Variants in KCNH8 observed in about 807,000 individuals in gnomAD.
KCNH8 encodes potassium voltage-gated channel subfamily H member 8.
A neutral mutation model predicts 103.6 loss-of-function variants in KCNH8; 70 were observed. The observed-to-expected ratio is 0.68, with a 90% confidence interval of 0.56 to 0.82. The LOEUF is 0.82. Ranked by LOEUF, KCNH8 falls within the 40% of genes least tolerant of loss-of-function variation. The probability of loss-of-function intolerance (pLI) is 0.00; values close to 1 mark genes in which losing one functional copy is unlikely to be tolerated. For missense variants in KCNH8, 1,217 were observed against 1,329.9 expected (o/e 0.92, Z 1.32); for synonymous variants, 498 against 489.4 (o/e 1.02, Z -0.23).
chr3:19,186,153 A>T (rs751504485), intron 1 of KCNH8, among the ~76,000 whole-genome samples: 1 of 151,994 alleles, frequency 6.6e-6, no homozygotes, highest in Non-Finnish European at 1.5e-5. Context: ...AATCAGCATT[A>T]AAACCTTCTG....
chr3:19,228,051 C>T (rs955364591), intron 1 of KCNH8, among the ~76,000 whole-genome samples: 2 of 152,096 alleles, frequency 1.3e-5, no homozygotes, highest in African/African-American at 4.8e-5. Context: ...TGTTCAGGAT[C>T]GCATGACCAC....
At chr3:19,281,098 G>T (rs1228546553) in intron 2 of KCNH8, 100 bp from the exon 3 acceptor site, 1 of 1,302,070 alleles carries the variant, frequency 7.7e-7, no homozygotes, top group African/African-American at 1.5e-5. Context: ...TGGGATTGAA[G>T]AAAACACTAA....
At position 19,180,024 on chromosome 3, in the gene KCNH8, C is replaced by A. The variant is rs563641568; in HGVS notation, c.76+31229C>A. Among the ~76,000 whole-genome samples the A allele has an allele frequency of 2.0e-5, 3 of 152,148 alleles. No homozygotes were observed. In the South Asian group the frequency reaches 6.2e-4, roughly 32 times the overall value. The stretch of plus-strand genomic sequence containing the variant: ...TAGGAAAAACTGAGAAGCTTTTGTA[C>A]CAAGAAGTTTTCTTAAATTTGTACT... On this transcript the variant is annotated intron_variant, in intron 1 of 15. Coordinates refer to ENST00000328405, the MANE Select transcript of KCNH8 (RefSeq NM_144633.3).
intron 11 of KCNH8, among the ~76,000 whole-genome samples, chr3:19,461,893 A>G (rs1241646976): frequency 6.6e-6 from 1 of 151,532 alleles, no homozygotes; most frequent in African/African-American, 2.4e-5. Context: ...TTCAATTCCT[A>G]CCTATGAGTG....
chr3:19,226,570 GTTTC>G (rs895083120), intron 1 of KCNH8, among the ~76,000 whole-genome samples: 3 of 148,696 alleles, frequency 2.0e-5, no homozygotes, highest in African/African-American at 5.1e-5. Flanking sequence ...CTCTCTCTCT[GTTTC>G]TTTCAGTCTT....
At chr3:19,367,803 T>C (rs767692185) in intron 5 of KCNH8, among the ~76,000 whole-genome samples, 8 of 152,016 alleles carry the variant, frequency 5.3e-5, no homozygotes, top group African/African-American at 1.2e-4. Context: ...ACAAGTCATG[T>C]ATAATTAAAC....
chr3:19,316,897 A>G (rs1278406223), intron 3 of KCNH8, among the ~76,000 whole-genome samples: 1 of 151,964 alleles, frequency 6.6e-6, no homozygotes, highest in Non-Finnish European at 1.5e-5. Context: ...TTTCTGGCAC[A>G]GGATAAATAG....
intron 8 of KCNH8, among the ~76,000 whole-genome samples, chr3:19,442,140 G>A (rs2067293291): frequency 6.6e-6 from 1 of 152,184 alleles, no homozygotes; most frequent in Non-Finnish European, 1.5e-5. Context: ...CTAGGGAGCA[G>A]AGAACAGGAA....
At chr3:19,410,157 T>G (rs1344921481) in intron 7 of KCNH8, among the ~76,000 whole-genome samples, 3 of 152,198 alleles carry the variant, frequency 2.0e-5, no homozygotes, top group Admixed American at 6.6e-5. Flanking sequence ...TAAGTCTCAA[T>G]AAATTTTTTT....
intron 1 of KCNH8, among the ~76,000 whole-genome samples, chr3:19,172,258 G>T (rs767798062): frequency 5.3e-5 from 8 of 152,020 alleles, no homozygotes; most frequent in Non-Finnish European, 7.4e-5. Context: ...GGCCTTGTTT[G>T]CACTCATTAT....
chr3:19,273,851 T>A (rs557201887), intron 2 of KCNH8, among the ~76,000 whole-genome samples: 1 of 152,300 alleles, frequency 6.6e-6, no homozygotes, highest in South Asian at 2.1e-4. Flanking sequence ...CACATATACC[T>A]TAATGAAGGA....
At chr3:19,359,816 A>G (rs1174211042) in intron 5 of KCNH8, among the ~76,000 whole-genome samples, 1 of 151,994 alleles carries the variant, frequency 6.6e-6, no homozygotes, top group Non-Finnish European at 1.5e-5. Flanking sequence ...ATGTGTGTGT[A>G]TATTTACTTG....
At chr3:19,379,750 A>AT (rs1337303461) in intron 5 of KCNH8, among the ~76,000 whole-genome samples, 3 of 152,194 alleles carry the variant, frequency 2.0e-5, no homozygotes, top group African/African-American at 7.2e-5. Flanking sequence ...GCATTACTCA[A>AT]TTTTTGGAGC....
intron 1 of KCNH8, among the ~76,000 whole-genome samples, chr3:19,236,429 A>G (rs958976708): frequency 6.6e-6 from 1 of 152,200 alleles, no homozygotes; most frequent in Non-Finnish European, 1.5e-5. Context: ...TATGCTTAAG[A>G]TGAAGGACTC....
intron 7 of KCNH8, among the ~76,000 whole-genome samples, chr3:19,422,167 A>G (rs1271504095): frequency 6.6e-6 from 1 of 152,076 alleles, no homozygotes; most frequent in South Asian, 2.1e-4. Context: ...TGGTTTTGCT[A>G]TATGATACTG....
In KCNH8 at chr3:19,389,006, G is replaced by A. The variant is rs550595062; in HGVS notation, c.812-1475G>A. ...TTATGATGATAAAGGACTTAGAACT[G>A]TACTGGGCTCATACGAAGAACCTGT... On this transcript the variant is annotated intron_variant, in intron 5 of 15. Coordinates refer to ENST00000328405, the MANE Select transcript of KCNH8 (RefSeq NM_144633.3). Among the ~76,000 whole-genome samples, 3 of 152,140 alleles carry A rather than the reference G, an allele frequency of 2.0e-5. No individual in the cohort carries two copies. In the East Asian group the frequency reaches 5.8e-4, roughly 29 times the overall value.
intron 11 of KCNH8, among the ~76,000 whole-genome samples, chr3:19,505,578 C>G (rs189660399): frequency 2.0e-5 from 3 of 152,246 alleles, no homozygotes; most frequent in Non-Finnish European, 2.9e-5. Context: ...TCCCTTCTCT[C>G]TAGCTGCCTT....
intron 2 of KCNH8, among the ~76,000 whole-genome samples, chr3:19,279,709 A>G (rs2064731253): frequency 6.6e-6 from 1 of 152,134 alleles, no homozygotes; most frequent in Admixed American, 6.6e-5. Context: ...TTAAACAAAT[A>G]CAGCAGCAGC....
intron 1 of KCNH8, among the ~76,000 whole-genome samples, chr3:19,162,358 C>CAA (rs1170369183): frequency 0.053 from 3,992 of 75,748 alleles, 202 homozygotes; most frequent in African/African-American, 0.16. Flanking sequence ...ACTAAAAATA[C>CAA]AAAAAAAAAA....
Sources: allele counts gnomAD v4.1 joint callset (sites outside exome capture counted in the v4.1 genomes callset), GRCh38; gene constraint gnomAD v4.1.1; transcripts MANE v1.5; gene names NCBI Gene and HGNC (gene_info 2026-07-23, HGNC 2026-07-21).